Variants in APP observed in about 807,000 individuals in gnomAD.
The protein encoded by APP is amyloid beta precursor protein.
A neutral mutation model predicts 101.4 loss-of-function variants in APP; 31 were observed. The observed-to-expected ratio is 0.31, with a 90% CI of 0.23 to 0.41. The LOEUF is 0.41. Ranked by LOEUF, APP falls within the 10% of genes least tolerant of loss-of-function variation. The probability of loss-of-function intolerance (pLI) is 1.00; values close to 1 mark genes in which losing one functional copy is unlikely to be tolerated. For synonymous variants in APP, 366 were observed against 364.4 expected (o/e 1.00, Z -0.05); for missense variants, 839 against 1,003.7 (o/e 0.84, Z 2.22).
chr21:26,167,447 T>C lies in APP; in HGVS notation c.57+3117A>G, dbSNP rs866259657. ...AAGGTAATACAATTTGCAGAAACAATGTACATTTCTACTGAATTTAATGCA... is the reference window on the plus strand; with the variant it reads ...AAGGTAATACAATTTGCAGAAACAACGTACATTTCTACTGAATTTAATGCA... On this transcript the variant is annotated intron_variant, in intron 1 of 17. Transcript: ENST00000346798. Among the ~76,000 whole-genome samples, 20 of 152,380 alleles carry C rather than the reference T, an allele frequency of 1.3e-4. 2 individuals carry two copies. In the South Asian group the frequency reaches 2.7e-3, roughly 21 times the overall value.
At chr21:26,120,818 A>G (rs1346030284) in intron 1 of APP, among the ~76,000 whole-genome samples, 1 of 152,244 alleles carries the variant, frequency 6.6e-6, no homozygotes, top group Non-Finnish European at 1.5e-5. Context: ...GTTCCTGCTC[A>G]TACCTCACAT....
intron 2 of APP, among the ~76,000 whole-genome samples, chr21:26,096,317 C>T (rs2061941010): frequency 6.6e-6 from 1 of 152,196 alleles, no homozygotes; most frequent in African/African-American, 2.4e-5. Flanking sequence ...CATAACGTGG[C>T]ATGTTATAGC....
chr21:26,013,063 T>C (rs1038839328), intron 6 of APP, among the ~76,000 whole-genome samples: 2 of 151,792 alleles, frequency 1.3e-5, no homozygotes, highest in African/African-American at 4.8e-5. Flanking sequence ...ACACCTGTAA[T>C]GCTAGCACTT....
intron 5 of APP, among the ~76,000 whole-genome samples, chr21:26,050,686 T>C (rs1323393767): frequency 6.6e-6 from 1 of 152,186 alleles, no homozygotes; most frequent in Non-Finnish European, 1.5e-5. Context: ...TTTAAATTAA[T>C]GACCAAAACA....
chr21:26,026,841 T>C (rs2044599052), intron 5 of APP, among the ~76,000 whole-genome samples: 1 of 152,196 alleles, frequency 6.6e-6, no homozygotes, highest in East Asian at 1.9e-4. Context: ...ATGTAAACTA[T>C]GGACTTTGGG....
At chr21:26,133,045 T>G (rs1190140175) in intron 1 of APP, among the ~76,000 whole-genome samples, 1 of 152,074 alleles carries the variant, frequency 6.6e-6, no homozygotes. Context: ...GAGACCAGCC[T>G]GGGCAACATG....
At chr21:25,983,527 T>G (rs561313738) in intron 8 of APP, among the ~76,000 whole-genome samples, 18 of 152,356 alleles carry the variant, frequency 1.2e-4, no homozygotes, top group African/African-American at 4.3e-4. Context: ...AACTTGAAGT[T>G]AAATACGTTT....
In APP at chr21:25,952,191, T is replaced by TACACAC. The variant is rs57270357; in HGVS notation, c.1687+2393_1687+2398dup. ...GTGGATTGAGAGCATATTACATACATACACACACACACACACACACACACA... is the reference window on the plus strand; with the variant it reads ...GTGGATTGAGAGCATATTACATACATACACACACACACACACACACACACACACACA... On this transcript the variant is annotated intron_variant, in intron 13 of 17. Transcript: ENST00000346798. Among the ~76,000 whole-genome samples, 1,090 of 139,980 alleles carry TACACAC rather than the reference T, an allele frequency of 7.8e-3. 3 individuals are homozygous for TACACAC. The highest frequency in any genetic ancestry group is 1.0e-2 in the East Asian group (49 of 4,906). The allele number at this position is 139,980 out of a possible 152,430, so 91.8% of individuals were successfully genotyped here. A position where few individuals can be genotyped will look rare whatever the true frequency, so the allele number is the denominator to read the frequency against.
chr21:26,085,648 G>A (rs1237648993), intron 3 of APP, among the ~76,000 whole-genome samples: 2 of 152,166 alleles, frequency 1.3e-5, no homozygotes, highest in East Asian at 3.8e-4. Flanking sequence ...TGTGTCTCAA[G>A]AGAGTTGTTG....
At chr21:25,975,343 C>T (rs1014620961) in intron 10 of APP, 115 bp from the exon 11 acceptor site, 1 of 1,337,514 alleles carries the variant, frequency 7.5e-7, no homozygotes, top group African/African-American at 1.4e-5. Flanking sequence ...AAAAAGTATC[C>T]TAAAGACTGC....
intron 1 of APP, among the ~76,000 whole-genome samples, chr21:26,116,363 A>G (rs778750916): frequency 3.9e-5 from 6 of 152,254 alleles, no homozygotes; most frequent in Admixed American, 6.5e-5. Flanking sequence ...AAATGGCTTT[A>G]AAAGAGGCTT....
At chr21:26,131,823 C>T (rs1462333086) in intron 1 of APP, among the ~76,000 whole-genome samples, 1 of 152,036 alleles carries the variant, frequency 6.6e-6, no homozygotes, top group Non-Finnish European at 1.5e-5. Flanking sequence ...GAATGATAAA[C>T]CACAAAACTC....
rs1038704426 is a variant in APP at position 26,090,733 on chromosome 21, C to T, written c.226-661G>A. Among the ~76,000 whole-genome samples the T allele has an allele frequency of 2.0e-5, 3 of 152,188 alleles. No individual in the cohort carries two copies. In the East Asian group the frequency reaches 5.8e-4, roughly 29 times the overall value. On this transcript the variant is annotated intron_variant, in intron 2 of 17. Coordinates refer to ENST00000346798, the MANE Select transcript of APP (RefSeq NM_000484.4). Reference sequence around the variant, plus strand: ...TATTATGTTTAGTAAAATTCAACCTCCCCCTATCTCTCACTAATCGGACAA... The same window carrying T: ...TATTATGTTTAGTAAAATTCAACCTTCCCCTATCTCTCACTAATCGGACAA...
chr21:26,140,073 G>C, intron 1 of APP: 3 of 1,071,016 alleles, frequency 2.8e-6, no homozygotes, highest in Non-Finnish European at 2.7e-6. Context: ...ACTTTTGAAA[G>C]ATATTACTGT....
In APP at chr21:25,969,114, C is replaced by A. The variant is rs144372026; in HGVS notation, c.1458+5956G>T. ...CAGCACTTTGGGAGGCGGAGGCTGGCGGATCACGAGGTCAGGAGATCCAGA... is the reference window on the plus strand; with the variant it reads ...CAGCACTTTGGGAGGCGGAGGCTGGAGGATCACGAGGTCAGGAGATCCAGA... On this transcript the variant is annotated intron_variant, in intron 11 of 17. Transcript: ENST00000346798. Among the ~76,000 whole-genome samples, 223 of 151,316 alleles carry A rather than the reference C, an allele frequency of 1.5e-3. 1 individual carries two copies. The highest frequency in any genetic ancestry group is 5.0e-3 in the African/African-American group (208 of 41,200).
intron 1 of APP, among the ~76,000 whole-genome samples, chr21:26,122,373 T>TA (rs2062592789): frequency 6.6e-6 from 1 of 152,234 alleles, no homozygotes; most frequent in African/African-American, 2.4e-5. Context: ...CTAATGAAGT[T>TA]AAAGACCCTT....
At chr21:26,149,558 T>C (rs1258020652) in intron 1 of APP, among the ~76,000 whole-genome samples, 1 of 152,234 alleles carries the variant, frequency 6.6e-6, no homozygotes, top group East Asian at 1.9e-4. Flanking sequence ...ATGCAATTTC[T>C]TTTCACTGGA....
intron 8 of APP, among the ~76,000 whole-genome samples, chr21:25,988,633 CG>C (rs1476605482): frequency 7.1e-6 from 1 of 141,074 alleles, no homozygotes; most frequent in East Asian, 2.1e-4. Flanking sequence ...ACCCGGGAGG[CG>C]GAAGTTGTGG....
intron 1 of APP, among the ~76,000 whole-genome samples, chr21:26,138,199 G>A (rs551167369): frequency 5.3e-4 from 80 of 152,216 alleles, no homozygotes; most frequent in African/African-American, 1.9e-3. Flanking sequence ...AAATGCTTCA[G>A]AAAAGAAAAT....
Sources: allele counts gnomAD v4.1 joint callset (sites outside exome capture counted in the v4.1 genomes callset), GRCh38; gene constraint gnomAD v4.1.1; transcripts MANE v1.5; gene names NCBI Gene and HGNC (gene_info 2026-07-23, HGNC 2026-07-21).